TECRL: variants seen among roughly 807,000 people sequenced by gnomAD.
TECRL encodes trans-2,3-enoyl-CoA reductase-like.
Under a neutral mutation model 52.8 loss-of-function variants are expected in TECRL, and 63 were observed. The ratio of observed to expected loss-of-function variants is 1.19; its 90% CI spans 0.97 to 1.47. TECRL has a LOEUF of 1.47. Among genes scored for constraint, TECRL ranks in the 40% most tolerant of loss-of-function variants. The pLI is 0.00. For missense variants in TECRL, 482 were observed against 429.6 expected (o/e 1.12, Z -1.08); for synonymous variants, 164 against 141.9 (o/e 1.16, Z -1.10).
chr4:64,319,956 G>A (rs1440292132), intron 4 of TECRL, among the ~76,000 whole-genome samples: 1 of 151,894 alleles, frequency 6.6e-6, no homozygotes, highest in East Asian at 1.9e-4. Flanking sequence ...GTGTATGTAA[G>A]TATGCAAAGA....
At chr4:64,398,275 T>C (rs1007407742) in intron 1 of TECRL, among the ~76,000 whole-genome samples, 3 of 152,156 alleles carry the variant, frequency 2.0e-5, no homozygotes, top group Non-Finnish European at 4.4e-5. Flanking sequence ...CATTAAATAA[T>C]ATAGTTTGGA....
intron 2 of TECRL, among the ~76,000 whole-genome samples, chr4:64,337,816 A>G (rs1341505823): frequency 6.6e-6 from 1 of 152,222 alleles, no homozygotes; most frequent in African/African-American, 2.4e-5. Context: ...TTCCATGCTC[A>G]TGGATAGGAA....
At chr4:64,300,993 T>C (rs1723987178) in intron 7 of TECRL, among the ~76,000 whole-genome samples, 1 of 150,914 alleles carries the variant, frequency 6.6e-6, no homozygotes, top group Non-Finnish European at 1.5e-5. Context: ...TTTCTTGAGC[T>C]AGAAATTTAA....
intron 2 of TECRL, among the ~76,000 whole-genome samples, chr4:64,329,650 A>G (rs1453414421): frequency 6.6e-6 from 1 of 151,974 alleles, no homozygotes; most frequent in Non-Finnish European, 1.5e-5. Context: ...ATCAAAACAT[A>G]AAACATAGCT....
intron 2 of TECRL, among the ~76,000 whole-genome samples, chr4:64,345,933 A>AAAAAAAAAAAAAAAATT (rs1553915301): frequency 6.8e-6 from 1 of 147,382 alleles, no homozygotes; most frequent in East Asian, 2.0e-4. Context: ...AAAAAAAAAC[A>AAAAAAAAAAAAAAAATT]TTTATCATAT....
At chr4:64,372,383 T>G (rs1722036010) in intron 2 of TECRL, among the ~76,000 whole-genome samples, 1 of 151,816 alleles carries the variant, frequency 6.6e-6, no homozygotes, top group Admixed American at 6.6e-5. Context: ...TGCTTCTGTT[T>G]TCATGAAAAA....
chr4:64,403,593 C>T (rs1171321354), intron 1 of TECRL, among the ~76,000 whole-genome samples: 1 of 151,768 alleles, frequency 6.6e-6, no homozygotes, highest in African/African-American at 2.4e-5. Flanking sequence ...TATAACTTCT[C>T]CAGGAAAGCC....
At chr4:64,354,186 C>T (rs1720594716) in intron 2 of TECRL, among the ~76,000 whole-genome samples, 1 of 151,994 alleles carries the variant, frequency 6.6e-6, no homozygotes, top group East Asian at 1.9e-4. Context: ...GATGACATTG[C>T]TATCAGTGGT....
chr4:64,341,017 G>T (rs957636799), intron 2 of TECRL, among the ~76,000 whole-genome samples: 1 of 152,096 alleles, frequency 6.6e-6, no homozygotes, highest in Non-Finnish European at 1.5e-5. Context: ...ACAACCCATT[G>T]CAGGACCTCC....
At chr4:64,347,927 G>T (rs1023416114) in intron 2 of TECRL, among the ~76,000 whole-genome samples, 12 of 152,090 alleles carry the variant, frequency 7.9e-5, no homozygotes, top group African/African-American at 2.7e-4. Context: ...ACGACAACCA[G>T]TCAGCAAGTC....
intron 2 of TECRL, among the ~76,000 whole-genome samples, chr4:64,334,001 G>A (rs1382549459): frequency 3.6e-5 from 4 of 111,016 alleles, no homozygotes; most frequent in Non-Finnish European, 5.5e-5. Flanking sequence ...TCCGCAGTCC[G>A]GCCTGGGCGA....
chr4:64,353,758 G>A (rs1720561227), intron 2 of TECRL, among the ~76,000 whole-genome samples: 3 of 151,772 alleles, frequency 2.0e-5, no homozygotes, highest in Admixed American at 6.6e-5. Flanking sequence ...TTTACACCAT[G>A]ATATTTTTTA....
intron 9 of TECRL, among the ~76,000 whole-genome samples, chr4:64,286,236 A>C (rs1480448951): frequency 2.6e-5 from 4 of 152,102 alleles, no homozygotes; most frequent in Non-Finnish European, 5.9e-5. Flanking sequence ...TGGAAAAAAA[A>C]CAAGAAGATA....
chr4:64,309,952 T>C, intron 5 of TECRL, 21 bp from the exon 6 acceptor site: 3 of 1,491,814 alleles, frequency 2.0e-6, no homozygotes, highest in East Asian at 2.3e-5. Context: ...AAATAAAACA[T>C]AAACATGAAA....
At chr4:64,290,312 AT>A (rs55979700) in intron 8 of TECRL, among the ~76,000 whole-genome samples, 140,078 of 152,098 alleles carry the variant, frequency 0.92, 64,701 homozygotes, top group East Asian at 1. Context: ...TTAATAGGCC[AT>A]TATGTCCCTC....
chr4:64,374,229 T>C (rs1480379420), intron 2 of TECRL, among the ~76,000 whole-genome samples: 1 of 150,464 alleles, frequency 6.6e-6, no homozygotes, highest in African/African-American at 2.4e-5. Flanking sequence ...TTTCAAGCAA[T>C]TGTATTCCTT....
intron 9 of TECRL, among the ~76,000 whole-genome samples, chr4:64,283,563 G>T (rs892455009): frequency 6.6e-6 from 1 of 151,932 alleles, no homozygotes; most frequent in Non-Finnish European, 1.5e-5. Flanking sequence ...GGACTGAATG[G>T]CTCAACAAAC....
chr4:64,356,107 A>C (rs4860593), intron 2 of TECRL, among the ~76,000 whole-genome samples: 100,452 of 151,894 alleles, frequency 0.66, 34,617 homozygotes, highest in Non-Finnish European at 0.76. Context: ...GTTTACAAGC[A>C]GTATGCTTGG....
intron 5 of TECRL, 40 bp downstream of exon 5, chr4:64,314,608 T>A: frequency 1.0e-6 from 1 of 965,624 alleles, no homozygotes; most frequent in Non-Finnish European, 1.7e-6. Flanking sequence ...TGTGTGTGTG[T>A]GTGTGTGTGT....
Sources: gnomAD v4.1 joint callset for allele counts (sites outside exome capture counted in the v4.1 genomes callset) on GRCh38, gnomAD v4.1.1 for gene constraint, MANE v1.5 for transcripts, NCBI Gene and HGNC (gene_info 2026-07-23, HGNC 2026-07-21) for gene names.